The following SLC35A3 variants were observed in gnomAD, a reference collection of about 807,000 sequenced individuals.
The protein encoded by SLC35A3 is solute carrier family 35 member A3.
SLC35A3 carries 26 observed loss-of-function variants against 39.0 expected under a neutral mutation model. The observed-to-expected ratio is 0.67, with a 90% CI of 0.49 to 0.92. The LOEUF is 0.92. Among genes scored for constraint, SLC35A3 ranks in the 40% least tolerant of loss-of-function variants. The probability of loss-of-function intolerance (pLI) is 0.00; values close to 1 mark genes in which losing one functional copy is unlikely to be tolerated. For synonymous variants in SLC35A3, 135 were observed against 133.1 expected (o/e 1.01, Z -0.10); for missense variants, 299 against 371.6 (o/e 0.80, Z 1.61).
At chr1:99,996,407 A>G (rs1029642958) in intron 2 of SLC35A3, among the ~76,000 whole-genome samples, 1 of 152,214 alleles carries the variant, frequency 6.6e-6, no homozygotes, top group Non-Finnish European at 1.5e-5. Flanking sequence ...ATAAACAGGT[A>G]ATTCACAGAA....
chr1:99,988,607 C>T (rs972333850), intron 1 of SLC35A3, among the ~76,000 whole-genome samples: 3 of 151,352 alleles, frequency 2.0e-5, no homozygotes, highest in Admixed American at 6.6e-5. Flanking sequence ...TCTTCCTTCC[C>T]TTCCTTCTGT....
rs1660809499 is a variant in SLC35A3, at chr1:100,024,794, T to C, written c.*2318T>C. The C allele has an allele frequency of 2.5e-6, 1 of 395,314 alleles. No individual in the cohort carries two copies. The highest frequency in any genetic ancestry group is 4.5e-6 in the Non-Finnish European group (1 of 224,584). 24.5% of individuals were successfully genotyped at this position (395,314 alleles called of 1,614,324 possible). On this transcript the variant is annotated 3_prime_UTR_variant, in exon 8 of 8. Coordinates refer to ENST00000533028, the MANE Select transcript of SLC35A3 (RefSeq NM_012243.3). ...CACTGCGCCCGGCCTATACTGTATA[T>C]ATTTTTAAAGACTGTTCTAATAGAT...
chr1:100,010,607 T>C (rs1307099776), intron 4 of SLC35A3, among the ~76,000 whole-genome samples: 1 of 152,116 alleles, frequency 6.6e-6, no homozygotes, highest in South Asian at 2.1e-4. Flanking sequence ...GTGGATCACC[T>C]GAGCCCAGGG....
rs1285810074 is a variant in SLC35A3, at chr1:100,024,609, A to C, written c.*2133A>C. The C allele has an allele frequency of 1.3e-5, 4 of 308,604 alleles. No homozygotes were observed. The highest frequency in any genetic ancestry group is 2.2e-5 in the African/African-American group (1 of 45,350). The allele number at this position is 308,604 out of a possible 1,614,324, so 19.1% of individuals were successfully genotyped here. Reference sequence around the variant, plus strand: ...CACACACCCACAGTATGAATGAAAAAAATAAAATACTTCTTTTTTTTTTTT... The same window carrying C: ...CACACACCCACAGTATGAATGAAAACAATAAAATACTTCTTTTTTTTTTTT... On this transcript the variant is annotated 3_prime_UTR_variant, in exon 8 of 8. Transcript: ENST00000533028.
At chr1:100,010,463 C>T (rs906379982) in intron 4 of SLC35A3, among the ~76,000 whole-genome samples, 3 of 152,126 alleles carry the variant, frequency 2.0e-5, no homozygotes, top group African/African-American at 7.2e-5. Context: ...GAGGCCAAGG[C>T]AGGCAAATTG....
At position 100,024,251 on chromosome 1, in the gene SLC35A3, A is replaced by C. The variant is rs966915271; in HGVS notation, c.*1775A>C. 6.6e-6 allele frequency: 1 copy of C among 151,934 alleles called. No individual in the cohort carries two copies. The highest frequency in any genetic ancestry group is 2.4e-5 in the African/African-American group (1 of 41,374). The allele number at this position is 151,934 out of a possible 1,614,324, so 9.4% of individuals were successfully genotyped here. A position where few individuals can be genotyped will look rare whatever the true frequency, so the allele number is the denominator to read the frequency against. On this transcript the variant is annotated 3_prime_UTR_variant, in exon 8 of 8. Coordinates refer to ENST00000533028, the MANE Select transcript of SLC35A3 (RefSeq NM_012243.3). ...TAACTATAGACAGAATTACTTACTGAGTATAAGAAGTATTTTACTGTCTGG... is the reference window on the plus strand; with the variant it reads ...TAACTATAGACAGAATTACTTACTGCGTATAAGAAGTATTTTACTGTCTGG...
chr1:100,027,180 A>C lies in SLC35A3; in HGVS notation c.*4704A>C. ...ATGAAATACTGGGTTGGCCAGGTGCAGTGGCTCATTCCTGTAATCCCAACA... is the reference window on the plus strand; with the variant it reads ...ATGAAATACTGGGTTGGCCAGGTGCCGTGGCTCATTCCTGTAATCCCAACA... On this transcript the variant is annotated 3_prime_UTR_variant, in exon 8 of 8. Transcript: ENST00000533028. 6 of 398,630 alleles carry C rather than the reference A, an allele frequency of 1.5e-5. No homozygotes were observed. In the East Asian group the frequency reaches 2.1e-4, roughly 14 times the overall value. The allele number at this position is 398,630 out of a possible 1,614,324, so 24.7% of individuals were successfully genotyped here. A position where few individuals can be genotyped will look rare whatever the true frequency, so the allele number is the denominator to read the frequency against.
chr1:99,999,185 A>G, intron 2 of SLC35A3, 76 bp from the exon 3 acceptor site: 2 of 926,106 alleles, frequency 2.2e-6, no homozygotes, highest in Non-Finnish European at 3.0e-6. Context: ...TAGGTTAGAA[A>G]ATTGAGATCT....
At position 99,999,072 on chromosome 1, in the gene SLC35A3, T is replaced by C. The variant is rs6682770; in HGVS notation, c.188-189T>C. Among the ~76,000 whole-genome samples the C allele has an allele frequency of 0.042, 6,342 of 152,162 alleles. 468 individuals carry two copies. Among genetic ancestry groups the C allele is most frequent in the African/African-American group, 0.15 (6,044 of 41,506 alleles). On this transcript the variant is annotated intron_variant, in intron 2 of 7. Coordinates refer to ENST00000533028, the MANE Select transcript of SLC35A3 (RefSeq NM_012243.3). Reference sequence around the variant, plus strand: ...TATATATCAGAATAAAAGAATATGATTTCTTAATACATTATAATATTTAAC... The same window carrying C: ...TATATATCAGAATAAAAGAATATGACTTCTTAATACATTATAATATTTAAC...
rs369771514 is a variant in SLC35A3 at position 100,030,934 on chromosome 1, A to C, written c.*8458A>C. On this transcript the variant is annotated 3_prime_UTR_variant, in exon 8 of 8. Coordinates refer to ENST00000533028, the MANE Select transcript of SLC35A3 (RefSeq NM_012243.3). ...AGAAAATCATGAAAGATGTGTGCCC[A>C]TGTTTCATTTTATAACTGTTCCAGT... 4 of 152,134 alleles carry C rather than the reference A, an allele frequency of 2.6e-5. No homozygotes were observed. Among genetic ancestry groups the C allele is most frequent in the Non-Finnish European group, 2.9e-5 (2 of 68,018 alleles). The allele number at this position is 152,134 out of a possible 1,614,324, so 9.4% of individuals were successfully genotyped here.
intron 1 of SLC35A3, among the ~76,000 whole-genome samples, chr1:99,990,626 A>G (rs1320159856): frequency 6.6e-6 from 1 of 152,162 alleles, no homozygotes; most frequent in Admixed American, 6.5e-5. Flanking sequence ...GTCCAGAACT[A>G]TTTGTTGAAA....
chr1:100,017,422 A>G (rs1013432423), intron 6 of SLC35A3, among the ~76,000 whole-genome samples: 4 of 152,224 alleles, frequency 2.6e-5, no homozygotes, highest in African/African-American at 9.6e-5. Context: ...TAGACATTTT[A>G]TTTGTAATAT....
Position 100,011,374 on chromosome 1 carries a change from G to C in SLC35A3, c.475G>C (p.Asp159His). The C allele has an allele frequency of 6.6e-7, 1 of 1,512,972 alleles. No homozygotes were observed. The highest frequency in any genetic ancestry group is 8.9e-7 in the Non-Finnish European group (1 of 1,122,070). 93.7% of individuals were successfully genotyped at this position (1,512,972 alleles called of 1,614,324 possible). A position where few individuals can be genotyped will look rare whatever the true frequency, so the allele number is the denominator to read the frequency against. Reference protein sequence around the residue: ...TGVAFVQWPSDSQLDSKELSA... With the variant: ...TGVAFVQWPSHSQLDSKELSA... ...TTTTCTTCTTATTTAGTGGCCCTCA[G>C]ATTCTCAGCTTGATTCTAAGGAACT... The change falls in exon 5 of 8, where the codon GAT becomes CAT. Residue 159 changes from aspartate (D) to histidine (H), a missense_variant. Physicochemically the swap from Asp to His is moderately conservative, Grantham distance 81. Transcript: ENST00000533028.
chr1:99,979,682 C>T (rs1657335013), intron 1 of SLC35A3, among the ~76,000 whole-genome samples: 1 of 151,386 alleles, frequency 6.6e-6, no homozygotes, highest in South Asian at 2.1e-4. Context: ...GATCTGCCCA[C>T]CTTGGCTTCC....
At chr1:100,008,068 C>T (rs1659371172) in intron 4 of SLC35A3, 1 of 151,740 alleles carries the variant, frequency 6.6e-6, no homozygotes, top group South Asian at 2.1e-4. Context: ...TCTCCTGCCT[C>T]AGCCTTCCAA....
chr1:99,988,091 G>A (rs1334146054), intron 1 of SLC35A3, among the ~76,000 whole-genome samples: 3 of 152,148 alleles, frequency 2.0e-5, no homozygotes, highest in Non-Finnish European at 2.9e-5. Context: ...ACAATTCAGT[G>A]AATTCTGATA....
chr1:99,994,215 A>G (rs1460010433), intron 2 of SLC35A3, among the ~76,000 whole-genome samples: 1 of 152,130 alleles, frequency 6.6e-6, no homozygotes, highest in Non-Finnish European at 1.5e-5. Flanking sequence ...TTCAATTATA[A>G]TGTTTTAAAC....
intron 2 of SLC35A3, among the ~76,000 whole-genome samples, chr1:99,997,410 T>TATATATATATATA (rs1658469252): frequency 3.3e-4 from 30 of 92,098 alleles, no homozygotes; most frequent in African/African-American, 5.4e-4. Flanking sequence ...ATATATAGTT[T>TATATATATATATA]TATATATATA....
chr1:99,971,829 T>C (rs1179968566), intron 1 of SLC35A3, among the ~76,000 whole-genome samples: 1 of 152,192 alleles, frequency 6.6e-6, no homozygotes, highest in Non-Finnish European at 1.5e-5. Context: ...CTTCAATTCC[T>C]TAAATGCCAT....
Sources: allele counts gnomAD v4.1 joint callset (sites outside exome capture counted in the v4.1 genomes callset), GRCh38; gene constraint gnomAD v4.1.1; transcripts MANE v1.5; gene names NCBI Gene and HGNC (gene_info 2026-07-23, HGNC 2026-07-21).